Variants in MEIG1 observed in about 807,000 individuals in gnomAD.
The protein encoded by MEIG1 is meiosis expressed gene 1 protein homolog.
MEIG1 carries 12 observed loss-of-function variants against 11.3 expected under a neutral mutation model. That is an observed-to-expected ratio of 1.07 (90% CI 0.68 to 1.73). The LOEUF is 1.73. Ranked by LOEUF, MEIG1 falls within the 40% of genes most tolerant of loss-of-function variation. MEIG1 has a pLI of 0.00. For missense variants in MEIG1, 119 were observed against 104.9 expected (o/e 1.13, Z -0.59); for synonymous variants, 41 against 33.2 (o/e 1.24, Z -0.81).
intron 1 of MEIG1, among the ~76,000 whole-genome samples, chr10:14,980,498 C>A (rs12255956): frequency 0.19 from 29,151 of 152,056 alleles, 4,976 homozygotes; most frequent in African/African-American, 0.45. Context: ...ACCTTGTAAT[C>A]TTATTCAGAA....
downstream of MEIG1, among the ~76,000 whole-genome samples, chr10:14,976,979 G>T (rs6602789): frequency 0.64 from 97,376 of 151,690 alleles, 31,476 homozygotes; most frequent in Admixed American, 0.74. Flanking sequence ...GACATTATTC[G>T]TTATATCCAC....
chr10:14,972,842 A>C lies in MEIG1; in HGVS notation c.*201A>C. On this transcript the variant is annotated 3_prime_UTR_variant, in exon 3 of 3. Transcript: ENST00000407572. ...CTGGCTGCAGATGCATTAAAGTTGT[A>C]CTTTCTTGGTCCTGCTCTTTTTGTC... is the stretch of plus-strand genomic sequence containing the variant. The C allele has an allele frequency of 2.0e-6, 1 of 497,494 alleles. No individual in the cohort carries two copies. 30.8% of individuals were successfully genotyped at this position (497,494 alleles called of 1,614,324 possible). A position where few individuals can be genotyped will look rare whatever the true frequency, so the allele number is the denominator to read the frequency against.
intron 1 of MEIG1, among the ~76,000 whole-genome samples, chr10:14,960,520 G>C (rs1308448330): frequency 6.6e-6 from 1 of 152,064 alleles, no homozygotes; most frequent in Non-Finnish European, 1.5e-5. Context: ...CCGGGTTCAC[G>C]CCATTCTCCT....
At chr10:14,985,049 T>A (rs1843304615) in intron 1 of MEIG1, among the ~76,000 whole-genome samples, 1 of 152,034 alleles carries the variant, frequency 6.6e-6, no homozygotes, top group South Asian at 2.1e-4. Flanking sequence ...GAGATGTTAC[T>A]ACTGATGTCC....
At chr10:14,980,783 A>G (rs1843255399) in intron 1 of MEIG1, among the ~76,000 whole-genome samples, 1 of 152,110 alleles carries the variant, frequency 6.6e-6, no homozygotes, top group Non-Finnish European at 1.5e-5. Context: ...GAGTAGTGAC[A>G]CCTGACTCCG....
upstream of MEIG1, among the ~76,000 whole-genome samples, chr10:14,955,996 G>A (rs551088695): frequency 4.1e-4 from 63 of 152,294 alleles, no homozygotes; most frequent in Non-Finnish European, 7.5e-4. Flanking sequence ...AGAATCTCAC[G>A]GTAGAGCTCC....
At chr10:14,978,407 T>A (rs1336911246) in intron 1 of MEIG1, among the ~76,000 whole-genome samples, 2 of 151,940 alleles carry the variant, frequency 1.3e-5, no homozygotes, top group East Asian at 3.9e-4. Context: ...TAGGGGAATA[T>A]TAGTCCAAAA....
upstream of MEIG1, among the ~76,000 whole-genome samples, chr10:14,957,407 A>G (rs563321526): frequency 6.6e-6 from 1 of 152,346 alleles, no homozygotes; most frequent in East Asian, 1.9e-4. Context: ...GTGATGAAAT[A>G]TACTGATTCA....
intron 1 of MEIG1, among the ~76,000 whole-genome samples, chr10:14,960,222 A>C (rs979266582): frequency 6.6e-6 from 1 of 152,188 alleles, no homozygotes; most frequent in African/African-American, 2.4e-5. Context: ...CCTCTTAAGA[A>C]CAGAAATAAT....
intron 1 of MEIG1, among the ~76,000 whole-genome samples, chr10:14,964,023 G>C (rs1843047405): frequency 6.6e-6 from 1 of 151,358 alleles, no homozygotes; most frequent in African/African-American, 2.4e-5. Flanking sequence ...GCATGAACCT[G>C]GGAAGTGGAG....
downstream of MEIG1, among the ~76,000 whole-genome samples, chr10:14,974,806 T>C (rs1368110919): frequency 6.6e-6 from 1 of 152,026 alleles, no homozygotes; most frequent in Non-Finnish European, 1.5e-5. Context: ...TCATATTAGC[T>C]CTTAATAATT....
At chr10:14,966,066 C>CTTTTTTTTTTTTTT (rs10673663) in intron 1 of MEIG1, among the ~76,000 whole-genome samples, 20 of 118,702 alleles carry the variant, frequency 1.7e-4, no homozygotes, top group East Asian at 2.4e-4. Flanking sequence ...TTTATTTATT[C>CTTTTTTTTTTTTTT]TTTTTTTTTT....
intron 1 of MEIG1, 54 bp downstream of exon 1, chr10:14,959,611 C>G (rs961277322): frequency 1.1e-4 from 17 of 152,548 alleles, no homozygotes; most frequent in African/African-American, 4.1e-4. Context: ...CCCTGCGCCC[C>G]GGCCGTAGCC....
At chr10:14,982,521 T>A (rs547307035) in intron 1 of MEIG1, among the ~76,000 whole-genome samples, 136 of 152,196 alleles carry the variant, frequency 8.9e-4, no homozygotes, top group African/African-American at 3.2e-3. Flanking sequence ...GCTTGTGGCT[T>A]TTCCTTCTGG....
At chr10:14,955,754 G>C (rs909050122), upstream of MEIG1, among the ~76,000 whole-genome samples, 2 of 152,298 alleles carry the variant, frequency 1.3e-5, no homozygotes, top group Admixed American at 6.5e-5. Context: ...TGTGCCTGTA[G>C]CCATGATACT....
downstream of MEIG1, among the ~76,000 whole-genome samples, chr10:14,976,640 G>A (rs1370902216): frequency 1.3e-5 from 2 of 152,010 alleles, no homozygotes; most frequent in Admixed American, 6.6e-5. Flanking sequence ...ATGTCACAGA[G>A]GGTGTACACC....
intron 1 of MEIG1, among the ~76,000 whole-genome samples, chr10:14,960,843 A>G (rs1372881091): frequency 1.3e-5 from 2 of 151,994 alleles, no homozygotes; most frequent in Non-Finnish European, 2.9e-5. Flanking sequence ...CCTGACCAAC[A>G]TGGGAAAACC....
chr10:14,979,885 G>A (rs962312243), intron 1 of MEIG1, among the ~76,000 whole-genome samples: 2 of 151,908 alleles, frequency 1.3e-5, no homozygotes, highest in Non-Finnish European at 2.9e-5. Context: ...TCGTTATATC[G>A]TAGAAGTATA....
At chr10:14,984,204 G>T (rs112317344) in intron 1 of MEIG1, among the ~76,000 whole-genome samples, 1 of 150,370 alleles carries the variant, frequency 6.7e-6, no homozygotes, top group Non-Finnish European at 1.5e-5. Context: ...TCCCCGCATC[G>T]TGGGGGGAGC....
Sources: allele counts gnomAD v4.1 joint callset (sites outside exome capture counted in the v4.1 genomes callset), GRCh38; gene constraint gnomAD v4.1.1; transcripts MANE v1.5; gene names NCBI Gene and HGNC (gene_info 2026-07-23, HGNC 2026-07-21).